Variants in NEDD9 observed in about 807,000 individuals in gnomAD.
The protein encoded by NEDD9 is enhancer of filamentation 1.
NEDD9 carries 26 observed loss-of-function variants against 76.6 expected under a neutral mutation model. The ratio of observed to expected loss-of-function variants is 0.34; its 90% CI spans 0.25 to 0.47. NEDD9 has a LOEUF of 0.47. Ranked by LOEUF, NEDD9 falls within the 20% of genes least tolerant of loss-of-function variation. NEDD9 has a pLI of 1.00. For missense variants in NEDD9, 937 were observed against 1,058.5 expected, an observed-to-expected ratio of 0.89 and a Z score of 1.59; for synonymous variants, 392 against 414.2, an observed-to-expected ratio of 0.95 and a Z score of 0.65.
At chr6:11,326,260 T>A (rs181320274) in intron 2 of NEDD9, among the ~76,000 whole-genome samples, 7 of 151,986 alleles carry the variant, frequency 4.6e-5, no homozygotes, top group Admixed American at 4.6e-4. Flanking sequence ...CTGCTGTGAG[T>A]TCAAAGCAAC....
intron 3 of NEDD9, among the ~76,000 whole-genome samples, chr6:11,275,565 C>CACACACACACACACATATAT (rs551632582): frequency 3.2e-4 from 48 of 150,282 alleles, no homozygotes; most frequent in African/African-American, 1.2e-3. Flanking sequence ...CACACACACA[C>CACACACACACACACATATAT]ATATATATAT....
intron 3 of NEDD9, chr6:11,305,436 C>A: frequency 4.7e-6 from 1 of 211,702 alleles, no homozygotes; most frequent in Non-Finnish European, 9.7e-6. Context: ...TTTTAGAGGC[C>A]AACTAATAGG....
At chr6:11,281,087 C>T (rs190035041) in intron 3 of NEDD9, among the ~76,000 whole-genome samples, 1 of 152,328 alleles carries the variant, frequency 6.6e-6, no homozygotes, top group African/African-American at 2.4e-5. Flanking sequence ...AATATTTATT[C>T]ATAACTTCCT....
intron 1 of NEDD9, among the ~76,000 whole-genome samples, chr6:11,335,198 G>A (rs1037289137): frequency 1.3e-4 from 20 of 152,116 alleles, no homozygotes; most frequent in Admixed American, 1.1e-3. Flanking sequence ...TTTCTTGATC[G>A]GATTGTGACA....
intron 1 of NEDD9, among the ~76,000 whole-genome samples, chr6:11,348,500 C>T (rs754955527): frequency 6.6e-5 from 10 of 152,064 alleles, no homozygotes; most frequent in South Asian, 2.1e-4. Context: ...AAGAACAAAG[C>T]GGGAGGTAAC....
intron 3 of NEDD9, chr6:11,251,832 T>G (rs1429783504): frequency 6.6e-6 from 1 of 152,300 alleles, no homozygotes; most frequent in Non-Finnish European, 1.5e-5. Context: ...GTGCTCTAGC[T>G]GCCCTCAGAG....
intron 2 of NEDD9, chr6:11,200,726 T>C: frequency 7.5e-7 from 1 of 1,334,340 alleles, no homozygotes; most frequent in East Asian, 3.0e-5. Context: ...AAGCAGCAAA[T>C]GGTAAGAGAC....
chr6:11,233,583 T>A (rs193069046), upstream of NEDD9: 802 of 507,434 alleles, frequency 1.6e-3, 5 homozygotes, highest in Non-Finnish European at 8.4e-4. Context: ...ACACTTATTA[T>A]CCAGGAGAAC....
intron 1 of NEDD9, among the ~76,000 whole-genome samples, chr6:11,374,145 C>T (rs959998325): frequency 6.6e-6 from 1 of 152,128 alleles, no homozygotes; most frequent in Non-Finnish European, 1.5e-5. Flanking sequence ...ACCCACCTTA[C>T]TCCTTTGCTC....
At chr6:11,235,186 TTTAA>T (rs1231238994), upstream of NEDD9, among the ~76,000 whole-genome samples, 8 of 152,178 alleles carry the variant, frequency 5.3e-5, no homozygotes, top group Admixed American at 3.9e-4. The surrounding 1 kb of genome is among the most constrained non-coding windows in gnomAD (Gnocchi z 4.1). Context: ...TAGTTATTAT[TTTAA>T]TTAATATCAG....
intron 3 of NEDD9, among the ~76,000 whole-genome samples, chr6:11,262,936 T>C (rs1760141682): frequency 1.3e-5 from 2 of 152,232 alleles, no homozygotes; most frequent in African/African-American, 4.8e-5. Flanking sequence ...GAAATTGTCT[T>C]ATAGAAAATG....
intron 3 of NEDD9, among the ~76,000 whole-genome samples, chr6:11,270,414 C>T (rs192662381): frequency 3.8e-4 from 56 of 147,616 alleles, no homozygotes; most frequent in Admixed American, 7.5e-4. Context: ...AATATATCTT[C>T]ACAGAGTGAT....
chr6:11,246,064 C>T (rs945041387), intron 3 of NEDD9, among the ~76,000 whole-genome samples: 3 of 151,732 alleles, frequency 2.0e-5, no homozygotes, highest in Admixed American at 6.6e-5. Context: ...GGTGGGGGAG[C>T]GGGCAGGGAT....
intron 1 of NEDD9, among the ~76,000 whole-genome samples, chr6:11,341,824 T>C (rs140681743): frequency 6.6e-6 from 1 of 152,184 alleles, no homozygotes; most frequent in East Asian, 1.9e-4. Flanking sequence ...GTGTAATCCA[T>C]AGTAAAAAAT....
intron 3 of NEDD9, among the ~76,000 whole-genome samples, chr6:11,240,152 T>C (rs185014149): frequency 6.6e-6 from 1 of 152,150 alleles, no homozygotes; most frequent in Admixed American, 6.5e-5. Context: ...CTCATTTGGT[T>C]CCCTCCTAAC....
upstream of NEDD9, among the ~76,000 whole-genome samples, chr6:11,234,127 G>C (rs1446020210): frequency 6.6e-6 from 1 of 152,194 alleles, no homozygotes; most frequent in African/African-American, 2.4e-5. Context: ...GTTCCAGCCT[G>C]TATTAGGCCT....
At chr6:11,328,319 A>G (rs1235153035) in intron 2 of NEDD9, among the ~76,000 whole-genome samples, 1 of 152,264 alleles carries the variant, frequency 6.6e-6, no homozygotes, top group African/African-American at 2.4e-5. Context: ...GAAACGCTGA[A>G]TACAAGAATG....
Position 11,346,477 on chromosome 6 carries a change from GCC to G in NEDD9, c.-213-11918_-213-11917del, listed in dbSNP as rs57973517. On this transcript the variant is annotated intron_variant, in intron 1 of 3. Coordinates refer to the NEDD9 transcript ENST00000397378. ...TGTACTGTTATAAGAAGGCTCGGAG[GCC>G]CCCCCCCCCGAGGTGAGTGGAAAGC... Among the ~76,000 whole-genome samples, 268 of 145,150 alleles carry G rather than the reference GCC, an allele frequency of 1.8e-3. 1 individual carries two copies. Among genetic ancestry groups the G allele is most frequent in the African/African-American group, 6.4e-3 (253 of 39,286 alleles).
intron 1 of NEDD9, among the ~76,000 whole-genome samples, chr6:11,360,656 T>C (rs1363885493): frequency 6.6e-6 from 1 of 152,190 alleles, no homozygotes; most frequent in African/African-American, 2.4e-5. Context: ...CTGCTATGAT[T>C]GAAAGTTTCC....
Sources: gnomAD v4.1 joint callset for allele counts (sites outside exome capture counted in the v4.1 genomes callset) on GRCh38, gnomAD v4.1.1 for gene constraint, Gnocchi (gnomAD v3.1) non-coding constraint, MANE v1.5 for transcripts, NCBI Gene and HGNC (gene_info 2026-07-23, HGNC 2026-07-21) for gene names.